GABRB1: variants seen among roughly 807,000 people sequenced by gnomAD.
GABRB1 encodes gamma-aminobutyric acid type A receptor subunit beta1.
Under a neutral mutation model 51.6 loss-of-function variants are expected in GABRB1, and 17 were observed. The ratio of observed to expected loss-of-function variants is 0.33; its 90% CI spans 0.23 to 0.49. The LOEUF is 0.49. Among genes scored for constraint, GABRB1 ranks in the 20% least tolerant of loss-of-function variants. GABRB1 has a pLI of 0.99. For synonymous variants in GABRB1, 247 were observed against 218.9 expected, an observed-to-expected ratio of 1.13 and a Z score of -1.14; for missense variants, 410 against 600.6, an observed-to-expected ratio of 0.68 and a Z score of 3.32.
At chr4:47,301,771 A>T (rs1159392361) in intron 4 of GABRB1, among the ~76,000 whole-genome samples, 1 of 152,190 alleles carries the variant, frequency 6.6e-6, no homozygotes, top group Non-Finnish European at 1.5e-5. Flanking sequence ...CATACTGAAA[A>T]GCACTTACAA....
At chr4:47,247,838 G>A (rs1397246972) in intron 4 of GABRB1, among the ~76,000 whole-genome samples, 1 of 152,028 alleles carries the variant, frequency 6.6e-6, no homozygotes, top group Non-Finnish European at 1.5e-5. Flanking sequence ...TTGGTGTATA[G>A]AAGAGCTACT....
chr4:47,395,369 C>T (rs1257162863), intron 5 of GABRB1, among the ~76,000 whole-genome samples: 1 of 152,148 alleles, frequency 6.6e-6, no homozygotes, highest in Non-Finnish European at 1.5e-5. Flanking sequence ...GTGCCACACA[C>T]ACATTTTTAA....
At chr4:46,996,720 A>G (rs1220740243) in intron 1 of GABRB1, among the ~76,000 whole-genome samples, 1 of 152,174 alleles carries the variant, frequency 6.6e-6, no homozygotes, top group Non-Finnish European at 1.5e-5. Flanking sequence ...GTTTCTATAG[A>G]CTGTCATGTA....
intron 3 of GABRB1, among the ~76,000 whole-genome samples, chr4:47,092,469 C>T (rs913207057): frequency 2.6e-5 from 4 of 151,868 alleles, no homozygotes; most frequent in South Asian, 2.1e-4. Context: ...CACTGCACCC[C>T]GCCAATTCCC....
At chr4:47,029,349 A>T (rs1725207464), upstream of GABRB1, among the ~76,000 whole-genome samples, 1 of 151,928 alleles carries the variant, frequency 6.6e-6, no homozygotes. Context: ...TGCATATCTC[A>T]TGAGTTTAAA....
At chr4:47,225,853 T>C (rs888762763) in intron 4 of GABRB1, among the ~76,000 whole-genome samples, 5 of 152,130 alleles carry the variant, frequency 3.3e-5, no homozygotes, top group Non-Finnish European at 7.4e-5. Flanking sequence ...AGTAAATGCA[T>C]GCGTAGTGGA....
At chr4:47,302,321 T>TA (rs1244214562) in intron 4 of GABRB1, among the ~76,000 whole-genome samples, 2 of 152,106 alleles carry the variant, frequency 1.3e-5, no homozygotes, top group Admixed American at 6.6e-5. Flanking sequence ...AATTTGAATG[T>TA]AAAATTTTAG....
intron 4 of GABRB1, among the ~76,000 whole-genome samples, chr4:47,199,487 T>G (rs771325039): frequency 1.3e-5 from 2 of 152,056 alleles, no homozygotes; most frequent in Non-Finnish European, 2.9e-5. Flanking sequence ...ACAGAGTAAC[T>G]CTCACAAAAT....
intron 1 of GABRB1, among the ~76,000 whole-genome samples, chr4:46,996,762 A>G (rs1416823494): frequency 6.6e-6 from 1 of 152,194 alleles, no homozygotes; most frequent in East Asian, 1.9e-4. Flanking sequence ...ACTTGGTCCC[A>G]TCTATTGTCA....
chr4:47,077,825 A>T (rs1203996690), intron 3 of GABRB1, among the ~76,000 whole-genome samples: 1 of 141,562 alleles, frequency 7.1e-6, no homozygotes, highest in Non-Finnish European at 1.5e-5. Flanking sequence ...AAAAAAATAT[A>T]ATATATATTA....
chr4:47,071,040 C>T (rs1465089827), intron 3 of GABRB1, among the ~76,000 whole-genome samples: 1 of 152,208 alleles, frequency 6.6e-6, no homozygotes, highest in Non-Finnish European at 1.5e-5. Flanking sequence ...TTTCTTATCT[C>T]AGCAAGAAGC....
At chr4:47,223,912 A>C (rs1162616260) in intron 4 of GABRB1, among the ~76,000 whole-genome samples, 2 of 152,134 alleles carry the variant, frequency 1.3e-5, no homozygotes, top group African/African-American at 2.4e-5. Context: ...GAAGTTTCTC[A>C]TAAATCTCTC....
intron 3 of GABRB1, among the ~76,000 whole-genome samples, chr4:47,066,994 T>C (rs1419240466): frequency 6.6e-6 from 1 of 152,196 alleles, no homozygotes. Flanking sequence ...GAATTACTCC[T>C]CGAATGAACG....
intron 3 of GABRB1, among the ~76,000 whole-genome samples, chr4:47,087,166 A>G (rs192112175): frequency 1.7e-4 from 26 of 152,274 alleles, no homozygotes; most frequent in African/African-American, 5.1e-4. Flanking sequence ...GAATAATTAA[A>G]TCAGGCTGTT....
At chr4:47,032,059 T>G in intron 2 of GABRB1, 54 bp downstream of exon 2, 1 of 992,308 alleles carries the variant, frequency 1.0e-6, no homozygotes, top group South Asian at 1.4e-5. Context: ...TCCTTTTCTG[T>G]CAAAGATAAA....
At chr4:47,373,220 C>A (rs1578130197) in intron 5 of GABRB1, among the ~76,000 whole-genome samples, 1 of 152,176 alleles carries the variant, frequency 6.6e-6, no homozygotes, top group African/African-American at 2.4e-5. Flanking sequence ...TCTCTATTGT[C>A]TTTATACCTC....
At position 47,043,671 on chromosome 4, in the gene GABRB1, C is replaced by T. The variant is rs573869430; in HGVS notation, c.240+11187C>T. On this transcript the variant is annotated intron_variant, in intron 3 of 8. Coordinates refer to ENST00000295454, the MANE Select transcript of GABRB1 (RefSeq NM_000812.4). ...CTTTATTCTTTTTCAATAAACTTAA[C>T]CTGTTCAATTTCACTGAGTGGAGCT... 5.3e-5 allele frequency among the ~76,000 whole-genome samples: 8 copies of T among 152,142 alleles called. No individual in the cohort carries two copies. In the South Asian group the frequency reaches 1.7e-3, roughly 32 times the overall value.
intron 1 of GABRB1, among the ~76,000 whole-genome samples, chr4:47,024,171 C>T (rs1725015381): frequency 6.6e-6 from 1 of 151,694 alleles, no homozygotes; most frequent in Admixed American, 6.6e-5. Flanking sequence ...GTTTGTTCTT[C>T]TTGTTGTGTA....
chr4:47,191,625 C>T (rs1473920628), intron 4 of GABRB1, among the ~76,000 whole-genome samples: 1 of 152,056 alleles, frequency 6.6e-6, no homozygotes, highest in African/African-American at 2.4e-5. Flanking sequence ...AGTGTTTTCA[C>T]TCAGATGATG....
Sources: gnomAD v4.1 joint callset for allele counts (sites outside exome capture counted in the v4.1 genomes callset) on GRCh38, gnomAD v4.1.1 for gene constraint, MANE v1.5 for transcripts, NCBI Gene and HGNC (gene_info 2026-07-23, HGNC 2026-07-21) for gene names.